Variants in RAB6B observed in about 807,000 individuals in gnomAD.
RAB6B encodes ras-related protein Rab-6B.
RAB6B carries 7 observed loss-of-function variants against 31.2 expected under a neutral mutation model. The observed-to-expected ratio is 0.22, with a 90% CI of 0.13 to 0.42. The LOEUF (loss-of-function observed/expected upper bound fraction) is 0.42, where lower values mean the gene tolerates loss of function less well. Ranked by LOEUF, RAB6B falls within the 10% of genes least tolerant of loss-of-function variation. The pLI is 1.00. For synonymous variants in RAB6B, 105 were observed against 104.9 expected, an observed-to-expected ratio of 1.00 and a Z score of -0.01; for missense variants, 149 against 280.6, an observed-to-expected ratio of 0.53 and a Z score of 3.35.
At chr3:133,836,172 G>C (rs957622666) in intron 6 of RAB6B, among the ~76,000 whole-genome samples, 3 of 152,220 alleles carry the variant, frequency 2.0e-5, no homozygotes, top group Non-Finnish European at 4.4e-5. Flanking sequence ...GGGGGAAGCT[G>C]CTGGTGGGCC....
intron 1 of RAB6B, among the ~76,000 whole-genome samples, chr3:133,870,375 A>G (rs1936301213): frequency 6.6e-6 from 1 of 152,184 alleles, no homozygotes; most frequent in Non-Finnish European, 1.5e-5. Flanking sequence ...GGGGATTACA[A>G]TTCGAGGTAA....
chr3:133,864,743 AG>A, intron 1 of RAB6B, 101 bp from the exon 2 acceptor site: 15 of 1,180,584 alleles, frequency 1.3e-5, no homozygotes, highest in Non-Finnish European at 1.8e-5. Context: ...CAAAAAGCAC[AG>A]GGGAAAGGCC....
chr3:133,841,216 G>T, intron 4 of RAB6B, 69 bp downstream of exon 4: 2 of 1,456,142 alleles, frequency 1.4e-6, no homozygotes, highest in Admixed American at 1.7e-5. Context: ...ACACAGGCCT[G>T]GCCAGGGTCA....
intron 2 of RAB6B, among the ~76,000 whole-genome samples, chr3:133,854,395 A>G (rs369773483): frequency 6.6e-6 from 1 of 152,222 alleles, no homozygotes; most frequent in South Asian, 2.1e-4. Flanking sequence ...TCAACACAGC[A>G]TGAGCAGCAG....
At chr3:133,864,058 C>T (rs758020048) in intron 2 of RAB6B, among the ~76,000 whole-genome samples, 2 of 151,246 alleles carry the variant, frequency 1.3e-5, no homozygotes, top group Admixed American at 6.6e-5. Flanking sequence ...GCCTCCTGCC[C>T]ATGTAGGGCA....
At chr3:133,891,441 C>T (rs1211874538) in intron 1 of RAB6B, among the ~76,000 whole-genome samples, 1 of 152,206 alleles carries the variant, frequency 6.6e-6, no homozygotes, top group Non-Finnish European at 1.5e-5. Flanking sequence ...ATAGAAGCAT[C>T]CCTTGCTAGC....
intron 7 of RAB6B, among the ~76,000 whole-genome samples, chr3:133,831,307 T>C (rs1044367714): frequency 1.3e-5 from 2 of 152,214 alleles, no homozygotes; most frequent in African/African-American, 4.8e-5. Flanking sequence ...ATTCTACTGA[T>C]ACTTCTAGAA....
chr3:133,874,565 C>T (rs1936366628), intron 1 of RAB6B, among the ~76,000 whole-genome samples: 1 of 152,144 alleles, frequency 6.6e-6, no homozygotes. Context: ...ATGTGAAAGC[C>T]TATGACATTA....
At chr3:133,860,966 A>T (rs576674676) in intron 2 of RAB6B, among the ~76,000 whole-genome samples, 9 of 152,362 alleles carry the variant, frequency 5.9e-5, no homozygotes, top group African/African-American at 2.2e-4. Context: ...ACAGGCAGCC[A>T]GGAGTGATAG....
At chr3:133,895,310 G>GCCTGGGC in intron 1 of RAB6B, 87 bp downstream of exon 1, 5 of 1,443,224 alleles carry the variant, frequency 3.5e-6, no homozygotes, top group Non-Finnish European at 4.8e-6. Context: ...GCCTTTCCGA[G>GCCTGGGC]CCTGGGCCGG....
At chr3:133,846,958 A>C (rs184462773) in intron 2 of RAB6B, among the ~76,000 whole-genome samples, 69 of 152,368 alleles carry the variant, frequency 4.5e-4, no homozygotes, top group Admixed American at 1.0e-3. Flanking sequence ...GAGATGCTTT[A>C]GGCTAAAGAG....
At position 133,826,129 on chromosome 3, in the gene RAB6B, G is replaced by A. The variant is rs911815580; in HGVS notation, c.*2659C>T. 6.6e-6 allele frequency: 1 copy of A among 152,226 alleles called. No individual in the cohort carries two copies. The highest frequency in any genetic ancestry group is 1.5e-5 in the Non-Finnish European group (1 of 68,050). 9.4% of individuals were successfully genotyped at this position (152,226 alleles called of 1,614,324 possible). ...AGGAAGGGAGGGGCGGAAACCGCAC[G>A]TGCCGAAGGGAGCGCCATGGAACCA... On this transcript the variant is annotated 3_prime_UTR_variant, in exon 8 of 8. Transcript: ENST00000285208.
intron 6 of RAB6B, among the ~76,000 whole-genome samples, chr3:133,835,073 T>C (rs545417066): frequency 1.5e-4 from 22 of 151,162 alleles, no homozygotes; most frequent in African/African-American, 4.2e-4. Flanking sequence ...ATGACTCTGC[T>C]TGGGGAGCCC....
intron 6 of RAB6B, 35 bp from the exon 7 acceptor site, chr3:133,834,676 C>T (rs370960508): frequency 3.1e-6 from 5 of 1,591,734 alleles, no homozygotes; most frequent in Admixed American, 1.7e-5. Context: ...TGAACCCCAA[C>T]CCTGGCCCTC....
intron 3 of RAB6B, 39 bp from the exon 4 acceptor site, chr3:133,841,429 G>A (rs372449256): frequency 1.9e-6 from 3 of 1,603,482 alleles, no homozygotes; most frequent in African/African-American, 2.7e-5. Flanking sequence ...AGAGGGGTCA[G>A]TGGGGCAGTG....
chr3:133,860,834 C>T (rs1936151256), intron 2 of RAB6B, among the ~76,000 whole-genome samples: 1 of 152,216 alleles, frequency 6.6e-6, no homozygotes, highest in African/African-American at 2.4e-5. Flanking sequence ...CAGTGGTTTC[C>T]TAATTTGTGC....
At chr3:133,859,949 CAT>C (rs1426468474) in intron 2 of RAB6B, among the ~76,000 whole-genome samples, 8 of 152,182 alleles carry the variant, frequency 5.3e-5, no homozygotes, top group African/African-American at 1.7e-4. Flanking sequence ...AATAAAAAGA[CAT>C]GTGGCCAAGA....
chr3:133,863,066 G>A lies in RAB6B; in HGVS notation c.129+1518C>T, dbSNP rs148938719. On this transcript the variant is annotated intron_variant, in intron 2 of 7. Coordinates refer to ENST00000285208, the MANE Select transcript of RAB6B (RefSeq NM_016577.4). The stretch of plus-strand genomic sequence containing the variant: ...TCCCCTCATTAGGAGGACAGGCTTG[G>A]TGCTACAAAGCCCTGGCCCAGAGAG... Among the ~76,000 whole-genome samples, 1,414 of 152,294 alleles carry A rather than the reference G, an allele frequency of 9.3e-3. 9 individuals carry two copies. Among genetic ancestry groups the A allele is most frequent in the South Asian group, 0.03 (143 of 4,822 alleles).
At chr3:133,895,246 A>T (rs1244953058) in intron 1 of RAB6B, 151 bp downstream of exon 1, 2 of 505,704 alleles carry the variant, frequency 4.0e-6, no homozygotes, top group Non-Finnish European at 3.2e-6. Flanking sequence ...CCCCAGCCCG[A>T]CCCCGCCCCG....
Sources: allele counts gnomAD v4.1 joint callset (sites outside exome capture counted in the v4.1 genomes callset), GRCh38; gene constraint gnomAD v4.1.1; transcripts MANE v1.5; gene names NCBI Gene and HGNC (gene_info 2026-07-23, HGNC 2026-07-21).